The following IQGAP2 variants were observed in gnomAD, a reference collection of about 807,000 sequenced individuals.
The protein encoded by IQGAP2 is IQ motif containing GTPase activating protein 2.
IQGAP2 carries 173 observed loss-of-function variants against 201.3 expected under a neutral mutation model. The observed-to-expected ratio is 0.86, with a 90% CI of 0.76 to 0.98. IQGAP2 has a LOEUF of 0.98. Among genes scored for constraint, IQGAP2 ranks in the 50% least tolerant of loss-of-function variants. The pLI is 0.00. For synonymous variants in IQGAP2, 675 were observed against 673.9 expected (o/e 1.00, Z -0.03); for missense variants, 1,687 against 1,864.8 (o/e 0.90, Z 1.76).
chr5:76,585,267 C>T (rs1000035611), intron 5 of IQGAP2, among the ~76,000 whole-genome samples: 1 of 152,086 alleles, frequency 6.6e-6, no homozygotes, highest in Non-Finnish European at 1.5e-5. Context: ...AAAGATGCAG[C>T]ACATTAAGTA....
intron 6 of IQGAP2, 45 bp from the exon 7 acceptor site, chr5:76,589,570 G>T (rs747777585): frequency 9.1e-7 from 1 of 1,101,840 alleles, no homozygotes; most frequent in Admixed American, 2.2e-5. Flanking sequence ...ATCTCTGTCT[G>T]TAGCTTTCTC....
intron 27 of IQGAP2, among the ~76,000 whole-genome samples, chr5:76,676,077 T>TCTCA (rs35972592): frequency 0.016 from 2,209 of 135,624 alleles, 31 homozygotes; most frequent in African/African-American, 0.038. Context: ...TAAGACTCTG[T>TCTCA]CACACACACA....
intron 2 of IQGAP2, among the ~76,000 whole-genome samples, chr5:76,513,455 C>T (rs552569000): frequency 2.0e-5 from 3 of 152,258 alleles, no homozygotes; most frequent in African/African-American, 4.8e-5. Flanking sequence ...AACTAGTTTG[C>T]GTATATGTAT....
chr5:76,409,742 C>A (rs1751004616), intron 1 of IQGAP2, among the ~76,000 whole-genome samples: 1 of 147,882 alleles, frequency 6.8e-6, no homozygotes, highest in African/African-American at 2.5e-5. Context: ...ACCTTAAAGT[C>A]TGGGATTGTT....
rs778822751 is a variant in IQGAP2 at position 76,677,254 on chromosome 5, A to G, written c.3564A>G (p.Pro1188=). Residue 1188 remains proline, a synonymous_variant, in exon 28 of 36, where the codon CCA becomes CCG. Transcript: ENST00000274364. ...AAGAAGCATGTAATGTCCCTGAGCC[A>G]GAAGAGAAGTTTAATATGGACAAAT... The part of the protein sequence containing the change: ...YFKEACNVPE[P]EEKFNMDKYT... The G allele has an allele frequency of 2.5e-6, 4 of 1,613,726 alleles. No homozygotes were observed. In the Admixed American group the frequency reaches 5.0e-5, roughly 20 times the overall value.
intron 1 of IQGAP2, among the ~76,000 whole-genome samples, chr5:76,454,481 A>C (rs1292406067): frequency 7.7e-6 from 1 of 129,318 alleles, no homozygotes; most frequent in South Asian, 2.5e-4. Context: ...GTGATGTTCC[A>C]CTTCCTGTGT....
Position 76,627,274 on chromosome 5 carries a change from G to C in IQGAP2, c.1522-136G>C. The C allele has an allele frequency of 1.1e-5, 8 of 708,792 alleles. No individual in the cohort carries two copies. In the South Asian group the frequency reaches 1.3e-4, roughly 11 times the overall value. 43.9% of individuals were successfully genotyped at this position (708,792 alleles called of 1,614,324 possible). On this transcript the variant is annotated intron_variant, in intron 13 of 35. Coordinates refer to ENST00000274364, the MANE Select transcript of IQGAP2 (RefSeq NM_006633.5). ...GTCTGCTTCATTAGGAGTGTGTACA[G>C]TATATGGCAGAGCTGGATAGTTGCT...
At chr5:76,480,157 A>T (rs966435881) in intron 2 of IQGAP2, among the ~76,000 whole-genome samples, 2 of 152,062 alleles carry the variant, frequency 1.3e-5, no homozygotes, top group African/African-American at 4.8e-5. Flanking sequence ...CTGCCTCAGA[A>T]CTTCACTCAG....
intron 2 of IQGAP2, among the ~76,000 whole-genome samples, chr5:76,545,372 G>A (rs1743033570): frequency 1.3e-5 from 2 of 152,134 alleles, no homozygotes; most frequent in African/African-American, 2.4e-5. Flanking sequence ...AAAGGACCTC[G>A]GGGGCAAAGG....
At chr5:76,538,276 G>A (rs1242272715) in intron 2 of IQGAP2, among the ~76,000 whole-genome samples, 1 of 152,148 alleles carries the variant, frequency 6.6e-6, no homozygotes, top group African/African-American at 2.4e-5. Context: ...ACCTTCCACT[G>A]GGTCGCTCCC....
chr5:76,419,255 GC>G (rs1561357180), intron 1 of IQGAP2, among the ~76,000 whole-genome samples: 1 of 152,050 alleles, frequency 6.6e-6, no homozygotes, highest in African/African-American at 2.4e-5. Flanking sequence ...CTCCCAAGTA[GC>G]TAGGACTACA....
intron 2 of IQGAP2, among the ~76,000 whole-genome samples, chr5:76,539,531 C>A (rs1224040610): frequency 6.6e-6 from 1 of 152,188 alleles, no homozygotes; most frequent in African/African-American, 2.4e-5. Context: ...ATCTCTCCTT[C>A]TTGCAGGTAT....
At chr5:76,452,963 T>A (rs1753860319) in intron 1 of IQGAP2, among the ~76,000 whole-genome samples, 1 of 144,520 alleles carries the variant, frequency 6.9e-6, no homozygotes, top group Non-Finnish European at 1.5e-5. Flanking sequence ...CAGGCTGGAG[T>A]GCAGTGGCGC....
In IQGAP2 at chr5:76,669,425, C is replaced by A. The variant is rs115306997; in HGVS notation, c.2843+581C>A. 4.1e-3 allele frequency among the ~76,000 whole-genome samples: 624 copies of A among 152,224 alleles called. 8 individuals carry two copies. The highest frequency in any genetic ancestry group is 0.014 in the African/African-American group (581 of 41,514). Reference sequence around the variant, plus strand: ...TCTGCCCACCAGGTGTCTGTAAGCCCACGAGACATGTGATTCGTGAGAAAT... The same window carrying A: ...TCTGCCCACCAGGTGTCTGTAAGCCAACGAGACATGTGATTCGTGAGAAAT... On this transcript the variant is annotated intron_variant, in intron 23 of 35. Transcript: ENST00000274364.
chr5:76,547,869 T>C (rs1400593385), intron 2 of IQGAP2, among the ~76,000 whole-genome samples: 2 of 152,190 alleles, frequency 1.3e-5, no homozygotes, highest in Admixed American at 1.3e-4. Context: ...TTGGTCAGCT[T>C]ATTTTCCTGC....
At chr5:76,605,498 A>G (rs1170761011) in intron 11 of IQGAP2, among the ~76,000 whole-genome samples, 2 of 152,126 alleles carry the variant, frequency 1.3e-5, no homozygotes, top group African/African-American at 4.8e-5. Context: ...CAGGCCTAAG[A>G]GAGATTTTTG....
In IQGAP2 at chr5:76,606,261, T is replaced by G. The variant is rs1285401265; in HGVS notation, c.1315T>G (p.Cys439Gly). 1.9e-6 allele frequency: 3 copies of G among 1,604,520 alleles called. No homozygotes were observed. Among genetic ancestry groups the G allele is most frequent in the South Asian group, 1.1e-5 (1 of 88,964 alleles). The change falls in exon 12 of 36, where the codon TGT becomes GGT. Residue 439 changes from cysteine (C) to glycine (G), a missense_variant. Transcript: ENST00000274364. ...CTTAAGCTGGAATGAAATTCAGAAT[T>G]GTATTGATATGGTTAATGCTCAAAT... ...DNLSWNEIQN[C>G]IDMVNAQIQE...
At chr5:76,674,099 A>G in intron 26 of IQGAP2, 63 bp downstream of exon 26, 1 of 908,220 alleles carries the variant, frequency 1.1e-6, no homozygotes, top group Non-Finnish European at 1.8e-6. Flanking sequence ...AATTACCAAC[A>G]TATAACTTTG....
At chr5:76,648,360 C>G (rs906463890) in intron 17 of IQGAP2, among the ~76,000 whole-genome samples, 5 of 152,170 alleles carry the variant, frequency 3.3e-5, no homozygotes, top group Non-Finnish European at 7.4e-5. Flanking sequence ...GCAGTGCCCC[C>G]ACTTTTTCCT....
Sources: allele counts gnomAD v4.1 joint callset (sites outside exome capture counted in the v4.1 genomes callset), GRCh38; gene constraint gnomAD v4.1.1; transcripts MANE v1.5; gene names NCBI Gene and HGNC (gene_info 2026-07-23, HGNC 2026-07-21).